ZBTB16: variants seen among roughly 807,000 people sequenced by gnomAD.
ZBTB16 encodes the protein zinc finger and BTB domain-containing protein 16.
ZBTB16 carries 8 observed loss-of-function variants against 56.8 expected under a neutral mutation model. That is an observed-to-expected ratio of 0.14 (90% confidence interval 0.08 to 0.25). The LOEUF (loss-of-function observed/expected upper bound fraction) is 0.25. Ranked by LOEUF, ZBTB16 falls within the 10% of genes least tolerant of loss-of-function variation. The probability of loss-of-function intolerance (pLI) is 1.00; values close to 1 mark genes in which losing one functional copy is unlikely to be tolerated. For synonymous variants in ZBTB16, 363 were observed against 368.5 expected (o/e 0.98, Z 0.17); for missense variants, 625 against 903.0 (o/e 0.69, Z 3.95).
At chr11:114,070,598 A>G (rs189084712) in intron 2 of ZBTB16, among the ~76,000 whole-genome samples, 88 of 152,340 alleles carry the variant, frequency 5.8e-4, no homozygotes, top group African/African-American at 2.0e-3. Flanking sequence ...CTTCTAATTC[A>G]CAGTCCTGGG....
intron 4 of ZBTB16, among the ~76,000 whole-genome samples, chr11:114,238,267 A>C (rs1441045095): frequency 6.6e-6 from 1 of 152,174 alleles, no homozygotes; most frequent in Non-Finnish European, 1.5e-5. Flanking sequence ...GCCCAGAGTC[A>C]CTGGCTTCAA....
Position 114,061,914 on chromosome 11 carries a change from G to A in ZBTB16, c.-90-1297G>A, listed in dbSNP as rs567798189. On this transcript the variant is annotated intron_variant, in intron 1 of 6. Coordinates refer to ENST00000335953, the MANE Select transcript of ZBTB16 (RefSeq NM_006006.6). ...ACTCCTTGGAGCCTGTGGGACACAC[G>A]TGGAGTTCACACACCCAGCCCAGCA... Among the ~76,000 whole-genome samples, 8 of 152,236 alleles carry A rather than the reference G, an allele frequency of 5.3e-5. No individual in the cohort carries two copies. The South Asian group carries it at 1.2e-3, about 24-fold the overall frequency.
chr11:114,219,624 T>A (rs1944183369), intron 4 of ZBTB16, among the ~76,000 whole-genome samples: 1 of 151,730 alleles, frequency 6.6e-6, no homozygotes, highest in Non-Finnish European at 1.5e-5. Flanking sequence ...GTTGATTGGT[T>A]TTTTTTCTTG....
chr11:114,221,832 C>T (rs540155755), intron 4 of ZBTB16, among the ~76,000 whole-genome samples: 3 of 152,252 alleles, frequency 2.0e-5, no homozygotes, highest in Non-Finnish European at 4.4e-5. Flanking sequence ...TTTCAGAAAA[C>T]AACTGCAACT....
intron 2 of ZBTB16, among the ~76,000 whole-genome samples, chr11:114,109,794 G>A (rs972724050): frequency 6.6e-6 from 1 of 152,174 alleles, no homozygotes; most frequent in African/African-American, 2.4e-5. Flanking sequence ...TTGGTGCAGT[G>A]CAAACTGGAA....
At chr11:114,162,402 A>G (rs953739169) in intron 3 of ZBTB16, among the ~76,000 whole-genome samples, 18 of 152,308 alleles carry the variant, frequency 1.2e-4, no homozygotes, top group African/African-American at 3.8e-4. Flanking sequence ...TGTGACTGGG[A>G]GGAGACAGTG....
intron 6 of ZBTB16, among the ~76,000 whole-genome samples, chr11:114,249,788 A>AG (rs1555161797): frequency 2.7e-5 from 4 of 148,500 alleles, no homozygotes; most frequent in African/African-American, 7.4e-5. Context: ...AAAAAAAAAA[A>AG]AGAGAGCTTT....
intron 2 of ZBTB16, among the ~76,000 whole-genome samples, chr11:114,118,318 A>G (rs576368352): frequency 2.0e-5 from 3 of 152,174 alleles, no homozygotes; most frequent in African/African-American, 7.2e-5. Context: ...CTGGGACTAT[A>G]GGCACCTGAC....
intron 2 of ZBTB16, among the ~76,000 whole-genome samples, chr11:114,109,523 T>C (rs1940927610): frequency 6.6e-6 from 1 of 152,168 alleles, no homozygotes; most frequent in African/African-American, 2.4e-5. Flanking sequence ...CGAGATGTTT[T>C]GCATAGTTCC....
chr11:114,061,924 C>A (rs888976355), intron 1 of ZBTB16, among the ~76,000 whole-genome samples: 1 of 152,156 alleles, frequency 6.6e-6, no homozygotes, highest in Non-Finnish European at 1.5e-5. Context: ...GTGGAGTTCA[C>A]ACACCCAGCC....
chr11:114,230,477 C>T (rs1358997389), intron 4 of ZBTB16, among the ~76,000 whole-genome samples: 1 of 152,080 alleles, frequency 6.6e-6, no homozygotes, highest in African/African-American at 2.4e-5. Context: ...TATTGTGTGC[C>T]GTACAGTACG....
intron 2 of ZBTB16, among the ~76,000 whole-genome samples, chr11:114,116,417 G>A (rs1280220120): frequency 6.6e-6 from 1 of 152,194 alleles, no homozygotes; most frequent in East Asian, 1.9e-4. Context: ...TTCTCCTCAT[G>A]CTTAGGTTGG....
chr11:114,237,000 A>G (rs1050466244), intron 4 of ZBTB16, among the ~76,000 whole-genome samples: 4 of 152,230 alleles, frequency 2.6e-5, no homozygotes, highest in Non-Finnish European at 5.9e-5. Context: ...GTAGCAGCCC[A>G]AAGACAACAA....
intron 2 of ZBTB16, among the ~76,000 whole-genome samples, chr11:114,066,308 G>T (rs1347886543): frequency 6.6e-6 from 1 of 152,146 alleles, no homozygotes; most frequent in African/African-American, 2.4e-5. Flanking sequence ...AAACGTAGCC[G>T]ACTTTTTCCA....
intron 2 of ZBTB16, among the ~76,000 whole-genome samples, chr11:114,083,380 G>A (rs1370021520): frequency 6.6e-6 from 1 of 152,188 alleles, no homozygotes; most frequent in Non-Finnish European, 1.5e-5. Flanking sequence ...ACTGGCCACT[G>A]GAGGCTAGCT....
chr11:114,183,625 G>A (rs1943300657), intron 3 of ZBTB16, among the ~76,000 whole-genome samples: 1 of 152,164 alleles, frequency 6.6e-6, no homozygotes, highest in South Asian at 2.1e-4. Context: ...TTCTCCTTTA[G>A]GGAGCTGTGA....
At chr11:114,145,913 G>A (rs908866025) in intron 2 of ZBTB16, among the ~76,000 whole-genome samples, 2 of 152,154 alleles carry the variant, frequency 1.3e-5, no homozygotes, top group Non-Finnish European at 2.9e-5. Context: ...GTAACTTATA[G>A]TCTAGTAGAG....
intron 4 of ZBTB16, among the ~76,000 whole-genome samples, chr11:114,205,846 T>C (rs1943857391): frequency 6.6e-6 from 1 of 152,264 alleles, no homozygotes; most frequent in South Asian, 2.1e-4. Flanking sequence ...CCTTGGGCCC[T>C]AGAGTCACTC....
At chr11:114,164,888 T>G (rs1942700078) in intron 3 of ZBTB16, among the ~76,000 whole-genome samples, 1 of 152,038 alleles carries the variant, frequency 6.6e-6, no homozygotes, top group Non-Finnish European at 1.5e-5. Flanking sequence ...CCAATCTGCT[T>G]TCATCTCACT....
Sources: gnomAD v4.1 joint callset for allele counts (sites outside exome capture counted in the v4.1 genomes callset) on GRCh38, gnomAD v4.1.1 for gene constraint, MANE v1.5 for transcripts, NCBI Gene and HGNC (gene_info 2026-07-23, HGNC 2026-07-21) for gene names.